The following GLI3 variants were observed in gnomAD, a reference collection of about 807,000 sequenced individuals.
GLI3 encodes GLI family zinc finger 3, also known as transcription activator GLI3.
A neutral mutation model predicts 100.8 loss-of-function variants in GLI3; 20 were observed. The ratio of observed to expected loss-of-function variants is 0.20; its 90% confidence interval spans 0.14 to 0.29. The LOEUF (loss-of-function observed/expected upper bound fraction) is 0.29. Ranked by LOEUF, GLI3 falls within the 10% of genes least tolerant of loss-of-function variation. The probability of loss-of-function intolerance (pLI) is 1.00; values close to 1 mark genes in which losing one functional copy is unlikely to be tolerated. For missense variants in GLI3, 2,040 were observed against 2,128.5 expected, an observed-to-expected ratio of 0.96 and a Z score of 0.82; for synonymous variants, 938 against 860.5, an observed-to-expected ratio of 1.09 and a Z score of -1.58.
intron 2 of GLI3, among the ~76,000 whole-genome samples, chr7:42,211,250 T>C (rs932125591): frequency 6.6e-6 from 1 of 152,206 alleles, no homozygotes; most frequent in African/African-American, 2.4e-5. Context: ...ATGTTTTCTA[T>C]AAATCAAAAG....
chr7:42,128,190 G>A (rs991333739), intron 3 of GLI3, among the ~76,000 whole-genome samples: 3 of 152,070 alleles, frequency 2.0e-5, no homozygotes, highest in Admixed American at 6.5e-5. Context: ...TCTGTAATAA[G>A]GGAGCACTCA....
At chr7:42,024,892 C>G (rs1353411374) in intron 9 of GLI3, among the ~76,000 whole-genome samples, 2 of 152,180 alleles carry the variant, frequency 1.3e-5, no homozygotes, top group Non-Finnish European at 2.9e-5. Context: ...GGTCCAGGAG[C>G]TCAATAATTC....
At position 42,217,623 on chromosome 7, in the gene GLI3, C is replaced by T. The variant is rs149770294; in HGVS notation, c.124+5507G>A. ...TCCCAAGATTATCTTCCCTATTTTC[C>T]GATTTAAGAAGGCATTTACAAGGAA... On this transcript the variant is annotated intron_variant, in intron 2 of 14. Coordinates refer to ENST00000395925, the MANE Select transcript of GLI3 (RefSeq NM_000168.6). Among the ~76,000 whole-genome samples the T allele has an allele frequency of 1.2e-4, 19 of 152,194 alleles. 2 individuals carry two copies. Among genetic ancestry groups the T allele is most frequent in the African/African-American group, 4.1e-4 (17 of 41,516 alleles).
At chr7:42,100,472 A>AT (rs1389390604) in intron 3 of GLI3, among the ~76,000 whole-genome samples, 1 of 152,100 alleles carries the variant, frequency 6.6e-6, no homozygotes, top group Non-Finnish European at 1.5e-5. Context: ...GTGGTGGCTC[A>AT]CACCAGTAAT....
chr7:42,115,512 T>C (rs780643615), intron 3 of GLI3, among the ~76,000 whole-genome samples: 2 of 152,178 alleles, frequency 1.3e-5, no homozygotes, highest in African/African-American at 4.8e-5. Flanking sequence ...ATATAATTCA[T>C]CTCTTCTTTT....
chr7:42,204,137 T>C lies in GLI3; in HGVS notation c.124+18993A>G, dbSNP rs1370423757. On this transcript the variant is annotated intron_variant, in intron 2 of 14. Transcript: ENST00000395925. ...CTGCTCTTCCCACTCACATGAAGGA[T>C]GGAGCCCAAAGTGTCTAGCATCGCC... Among the ~76,000 whole-genome samples the C allele has an allele frequency of 3.3e-5, 5 of 152,110 alleles. No homozygotes were observed. The East Asian group carries it at 7.7e-4, about 24-fold the overall frequency.
intron 2 of GLI3, chr7:42,172,403 G>C (rs1020203152): frequency 3.1e-5 from 19 of 611,828 alleles, no homozygotes; most frequent in Non-Finnish European, 4.7e-5. Context: ...AATTTGCATG[G>C]CTGGCATTTC....
chr7:42,040,122 T>C lies in GLI3; in HGVS notation c.944A>G (p.Asn315Ser). 1.9e-6 allele frequency: 3 copies of C among 1,613,654 alleles called. No individual in the cohort carries two copies. Among genetic ancestry groups the C allele is most frequent in the South Asian group, 1.1e-5 (1 of 91,068 alleles). ...ATTATTGAGAATCGTGACCAAGGAG[T>C]TGGGAGACGTCCTTATCATGGTCTG... Reference protein sequence around the residue: ...DLQTMIRTSPNSLVTILNNSR... With the variant: ...DLQTMIRTSPSSLVTILNNSR... The change falls in exon 7 of 15, where the codon AAC becomes AGC. Residue 315 changes from asparagine to serine, a missense_variant. Coordinates refer to ENST00000395925, the MANE Select transcript of GLI3 (RefSeq NM_000168.6).
upstream of GLI3, among the ~76,000 whole-genome samples, chr7:42,239,981 T>C (rs1366518256): frequency 1.3e-5 from 2 of 152,190 alleles, no homozygotes; most frequent in Non-Finnish European, 2.9e-5. Context: ...ATAGAAGAGT[T>C]ATTATGGTTG....
intron 12 of GLI3, among the ~76,000 whole-genome samples, chr7:41,975,655 T>C (rs1302907133): frequency 6.6e-6 from 1 of 152,204 alleles, no homozygotes; most frequent in Non-Finnish European, 1.5e-5. Context: ...ACTTTTTACC[T>C]TGGAGAAGAA....
Position 42,250,138 on chromosome 7 carries a change from C to A in GLI3, c.-43+13856G>T, listed in dbSNP as rs183935998. 3.9e-3 allele frequency among the ~76,000 whole-genome samples: 600 copies of A among 152,194 alleles called. 4 individuals are homozygous for A. The highest frequency in any genetic ancestry group is 0.014 in the African/African-American group (562 of 41,532). On this transcript the variant is annotated intron_variant, in intron 1 of 2. Transcript: ENST00000678978. ...ACTCTCTTTTCTTCTTATCTCTTTC[C>A]TTTTTCCCTTTCCAAGTTACCCACT...
chr7:42,237,511 T>C (rs118110413), upstream of GLI3, among the ~76,000 whole-genome samples: 64 of 151,436 alleles, frequency 4.2e-4, no homozygotes, highest in Non-Finnish European at 8.4e-4. Flanking sequence ...GGTGGAAAAG[T>C]TGTCCCTCGG....
At chr7:42,262,062 C>T (rs1459453888) in intron 1 of GLI3, among the ~76,000 whole-genome samples, 1 of 149,020 alleles carries the variant, frequency 6.7e-6, no homozygotes, top group African/African-American at 2.5e-5. Context: ...TCTTTCCTCC[C>T]TCTCTCTCTC....
intron 7 of GLI3, among the ~76,000 whole-genome samples, chr7:42,031,890 A>G (rs1350929377): frequency 6.6e-6 from 1 of 152,210 alleles, no homozygotes; most frequent in Non-Finnish European, 1.5e-5. Context: ...GAAGACTTCA[A>G]AATAAAATTA....
intron 4 of GLI3, among the ~76,000 whole-genome samples, chr7:42,066,319 A>T (rs985459311): frequency 1.3e-5 from 2 of 151,920 alleles, no homozygotes; most frequent in Non-Finnish European, 2.9e-5. Flanking sequence ...AAGGGGGTGG[A>T]CTCTACTTTT....
At position 42,148,300 on chromosome 7, in the gene GLI3, G is replaced by A. The variant is rs763808074; in HGVS notation, c.293C>T (p.Ala98Val). The change falls in exon 3 of 15, where the codon GCG becomes GTG. Residue 98 changes from alanine (A) to valine (V), a missense_variant. This residue lies in a region of GLI3 where 603 missense variants were observed against 690.9 expected (regional missense o/e 0.87). Coordinates refer to ENST00000395925, the MANE Select transcript of GLI3 (RefSeq NM_000168.6). ...KEIHGSLPHVAEPSVPYRGTV... is the reference protein window; with the variant it reads ...KEIHGSLPHVVEPSVPYRGTV... ...CCCGCGGTACGGCACAGAGGGCTCCGCCACGTGTGGCAGGGACCCATGGAT... is the reference window on the plus strand; with the variant it reads ...CCCGCGGTACGGCACAGAGGGCTCCACCACGTGTGGCAGGGACCCATGGAT... The A allele has an allele frequency of 9.3e-6, 15 of 1,613,024 alleles. No individual in the cohort carries two copies. The Admixed American group carries it at 1.0e-4, about 11-fold the overall frequency.
At chr7:42,220,854 A>C (rs976024660) in intron 2 of GLI3, among the ~76,000 whole-genome samples, 2 of 152,208 alleles carry the variant, frequency 1.3e-5, no homozygotes, top group African/African-American at 4.8e-5. Context: ...TAAAACAGTA[A>C]ATCTCTTAGA....
intron 3 of GLI3, among the ~76,000 whole-genome samples, chr7:42,142,078 G>T: frequency 6.6e-6 from 1 of 152,206 alleles, no homozygotes; most frequent in East Asian, 1.9e-4. Context: ...CAAGGAAGTA[G>T]CTGTGATGTG....
chr7:42,257,900 C>CCACTTG (rs1789101544), intron 1 of GLI3, among the ~76,000 whole-genome samples: 1 of 152,090 alleles, frequency 6.6e-6, no homozygotes, highest in South Asian at 2.1e-4. Context: ...GAGATAAAAG[C>CCACTTG]CACTTGGTCA....
Sources: gnomAD v4.1 joint callset for allele counts (sites outside exome capture counted in the v4.1 genomes callset) on GRCh38, gnomAD v4.1.1 for gene constraint, gnomAD v4.1.1 regional missense constraint, MANE v1.5 for transcripts, NCBI Gene and HGNC (gene_info 2026-07-23, HGNC 2026-07-21) for gene names.